The following VRK1 variants were observed in gnomAD, a reference collection of about 807,000 sequenced individuals.
The protein encoded by VRK1 is serine/threonine-protein kinase VRK1.
VRK1 carries 33 observed loss-of-function variants against 57.1 expected under a neutral mutation model. The observed-to-expected ratio is 0.58, with a 90% confidence interval of 0.44 to 0.77. The LOEUF (loss-of-function observed/expected upper bound fraction) is 0.77. Among genes scored for constraint, VRK1 ranks in the 30% least tolerant of loss-of-function variants. VRK1 has a pLI of 0.00. For missense variants in VRK1, 413 were observed against 477.3 expected (o/e 0.87, Z 1.25); for synonymous variants, 137 against 147.8 (o/e 0.93, Z 0.53).
intron 1 of VRK1, among the ~76,000 whole-genome samples, chr14:96,811,430 A>G (rs1595642163): frequency 6.6e-6 from 1 of 152,230 alleles, no homozygotes; most frequent in East Asian, 1.9e-4. Context: ...TTGAACTTTT[A>G]AGAATCACAT....
intron 1 of VRK1, among the ~76,000 whole-genome samples, chr14:96,808,715 T>C (rs1886024007): frequency 6.6e-6 from 1 of 152,074 alleles, no homozygotes; most frequent in Admixed American, 6.5e-5. Flanking sequence ...TGAGATTCAT[T>C]CATGTTGTTG....
intron 1 of VRK1, among the ~76,000 whole-genome samples, chr14:96,802,177 T>A (rs1595633252): frequency 6.6e-6 from 1 of 152,218 alleles, no homozygotes. Flanking sequence ...TAAAATGATA[T>A]AACCACTCTG....
intron 1 of VRK1, among the ~76,000 whole-genome samples, chr14:96,806,815 C>T (rs1224508383): frequency 6.6e-6 from 1 of 151,064 alleles, no homozygotes; most frequent in East Asian, 2.0e-4. Flanking sequence ...CCATCATTCC[C>T]CTCCCTCCCT....
In VRK1 at chr14:96,855,304, A is replaced by G; in HGVS notation, c.657A>G (p.Arg219=). 1 of 1,614,094 alleles carries G rather than the reference A, an allele frequency of 6.2e-7. No homozygotes were observed. The highest frequency in any genetic ancestry group is 8.5e-7 in the Non-Finnish European group (1 of 1,179,992). The change falls in exon 8 of 13, where the codon AGA becomes AGG. Residue 219 remains arginine, a synonymous_variant. Transcript: ENST00000216639. ...AAGAATACAAAGAAGACCCCAAAAG[A>G]TGTCACGATGGCACTATTGAATTCA... ...VHKEYKEDPK[R]CHDGTIEFTS... is the part of the protein sequence containing the mutation.
At chr14:96,807,702 T>C (rs1303583815) in intron 1 of VRK1, among the ~76,000 whole-genome samples, 1 of 152,242 alleles carries the variant, frequency 6.6e-6, no homozygotes, top group Non-Finnish European at 1.5e-5. Flanking sequence ...ATCTAAGCTA[T>C]GTCTTTTCAT....
intron 2 of VRK1, among the ~76,000 whole-genome samples, chr14:96,834,330 A>G (rs753106419): frequency 2.4e-4 from 37 of 152,230 alleles, no homozygotes; most frequent in South Asian, 6.2e-4. Context: ...AATTTCTACC[A>G]TGGAGGTTTA....
chr14:96,863,065 A>G (rs1888452495), intron 11 of VRK1, among the ~76,000 whole-genome samples: 1 of 152,202 alleles, frequency 6.6e-6, no homozygotes, highest in African/African-American at 2.4e-5. Flanking sequence ...ATGGTGCAGT[A>G]TATTTGGAAA....
intron 1 of VRK1, among the ~76,000 whole-genome samples, chr14:96,803,883 C>T (rs1477445492): frequency 6.6e-6 from 1 of 152,126 alleles, no homozygotes; most frequent in Non-Finnish European, 1.5e-5. Context: ...GGTTTGTTTT[C>T]TTACTGATTT....
At chr14:96,805,644 A>G (rs1184729483) in intron 1 of VRK1, among the ~76,000 whole-genome samples, 1 of 152,232 alleles carries the variant, frequency 6.6e-6, no homozygotes, top group African/African-American at 2.4e-5. Context: ...TAGAACCTGT[A>G]TAGTGTCGAA....
chr14:96,832,435 G>A (rs2139745899), intron 1 of VRK1, among the ~76,000 whole-genome samples: 1 of 152,124 alleles, frequency 6.6e-6, no homozygotes, highest in Non-Finnish European at 1.5e-5. Flanking sequence ...TTATAGAACC[G>A]AGAGTTTGAA....
At position 96,833,554 on chromosome 14, in the gene VRK1, T is replaced by G. The variant is rs778633021; in HGVS notation, c.83T>G (p.Ile28Arg). 3 of 1,613,832 alleles carry G rather than the reference T, an allele frequency of 1.9e-6. No individual in the cohort carries two copies. The highest frequency in any genetic ancestry group is 2.2e-5 in the South Asian group (2 of 91,084). The change falls in exon 2 of 13, where the codon ATA (isoleucine) becomes AGA (arginine). Residue 28 changes from isoleucine to arginine, a missense_variant. Coordinates refer to ENST00000216639, the MANE Select transcript of VRK1 (RefSeq NM_003384.3). ...HLAEQFAVGE[I>R]ITDMAKKEWK... is the part of the protein sequence containing the mutation. ...GCAGAACAATTTGCAGTTGGAGAGA[T>G]AATAACTGACATGGCAAAAAAGGAA...
chr14:96,877,739 G>C, intron 12 of VRK1: 1 of 918,650 alleles, frequency 1.1e-6, no homozygotes, highest in Non-Finnish European at 1.3e-6. Context: ...CTGCGCATCA[G>C]GAAGACTCAT....
chr14:96,841,192 G>A (rs1017004000), intron 3 of VRK1, among the ~76,000 whole-genome samples: 1 of 152,054 alleles, frequency 6.6e-6, no homozygotes, highest in African/African-American at 2.4e-5. Flanking sequence ...TTAGAATGAT[G>A]TGCTTCCTTA....
intron 11 of VRK1, among the ~76,000 whole-genome samples, chr14:96,861,949 A>G (rs1888405945): frequency 6.6e-6 from 1 of 152,190 alleles, no homozygotes; most frequent in African/African-American, 2.4e-5. Context: ...CTTATTGCTC[A>G]GGATAGATTT....
At chr14:96,824,398 A>G (rs1231996723) in intron 1 of VRK1, among the ~76,000 whole-genome samples, 1 of 152,246 alleles carries the variant, frequency 6.6e-6, no homozygotes, top group Non-Finnish European at 1.5e-5. Flanking sequence ...CAAGAAAGAA[A>G]GAATGAGCAG....
At chr14:96,824,783 A>G (rs1886738334) in intron 1 of VRK1, among the ~76,000 whole-genome samples, 1 of 150,116 alleles carries the variant, frequency 6.7e-6, no homozygotes, top group South Asian at 2.1e-4. Context: ...TCTCCCGAGT[A>G]GCTGGGACTA....
rs779157716 is a variant in VRK1, at chr14:96,856,532, A to G, written c.835A>G (p.Arg279Gly). The G allele has an allele frequency of 1.9e-6, 3 of 1,612,920 alleles. No individual in the cohort carries two copies. The Admixed American group carries it at 5.0e-5, about 27-fold the overall frequency. ...TCATTCTTTAATTTTTAACAGATACAGAGAAAATATTGCAAGTTTGATGGA... is the reference window on the plus strand; with the variant it reads ...TCATTCTTTAATTTTTAACAGATACGGAGAAAATATTGCAAGTTTGATGGA... Reference protein sequence around the residue: ...KYVRDSKIRYRENIASLMDKC... With the variant: ...KYVRDSKIRYGENIASLMDKC... Residue 279 changes from arginine (R) to glycine (G), a missense_variant, in exon 10 of 13, where the codon AGA becomes GGA. Transcript: ENST00000216639.
At chr14:96,839,342 G>A (rs974889174) in intron 3 of VRK1, among the ~76,000 whole-genome samples, 2 of 150,886 alleles carry the variant, frequency 1.3e-5, no homozygotes, top group African/African-American at 4.9e-5. Context: ...ATGGAGACAG[G>A]TTTTTATTTT....
Position 96,827,333 on chromosome 14 carries a change from G to C in VRK1, c.-5-6134G>C, listed in dbSNP as rs1886837813. Among the ~76,000 whole-genome samples the C allele has an allele frequency of 2.6e-5, 4 of 152,102 alleles. No individual in the cohort carries two copies. The South Asian group carries it at 8.3e-4, about 32-fold the overall frequency. On this transcript the variant is annotated intron_variant, in intron 1 of 12. Coordinates refer to ENST00000216639, the MANE Select transcript of VRK1 (RefSeq NM_003384.3). ...ATTTTGTCAGTAGAAGGTGAGGAAG[G>C]GATACTGCAAGACTTAGCAGAGAAA... is the stretch of plus-strand genomic sequence containing the variant.
Sources: gnomAD v4.1 joint callset for allele counts (sites outside exome capture counted in the v4.1 genomes callset) on GRCh38, gnomAD v4.1.1 for gene constraint, MANE v1.5 for transcripts, NCBI Gene and HGNC (gene_info 2026-07-23, HGNC 2026-07-21) for gene names.